Variants in RAB8B observed in about 807,000 individuals in gnomAD.
RAB8B encodes the protein ras-related protein Rab-8B.
RAB8B carries 11 observed loss-of-function variants against 32.0 expected under a neutral mutation model. The ratio of observed to expected loss-of-function variants is 0.34; its 90% CI spans 0.22 to 0.57. The LOEUF (loss-of-function observed/expected upper bound fraction) is 0.57, where lower values mean the gene tolerates loss of function less well. RAB8B is among the 20% of genes least tolerant of loss of function. The probability of loss-of-function intolerance (pLI) is 0.86; values close to 1 mark genes in which losing one functional copy is unlikely to be tolerated. For synonymous variants in RAB8B, 103 were observed against 89.6 expected, an observed-to-expected ratio of 1.15 and a Z score of -0.85; for missense variants, 190 against 258.5, an observed-to-expected ratio of 0.73 and a Z score of 1.82.
intron 1 of RAB8B, among the ~76,000 whole-genome samples, chr15:63,220,183 CT>C (rs1414378748): frequency 6.6e-6 from 1 of 152,212 alleles, no homozygotes; most frequent in African/African-American, 2.4e-5. Context: ...ACCCGAACCC[CT>C]AAACCTGTCT....
chr15:63,217,638 T>G (rs2037804507), intron 1 of RAB8B, among the ~76,000 whole-genome samples: 1 of 152,262 alleles, frequency 6.6e-6, no homozygotes, highest in Non-Finnish European at 1.5e-5. Context: ...ATGCTCATTG[T>G]GCAAATGAGT....
chr15:63,261,968 C>T (rs2038206641), intron 6 of RAB8B, among the ~76,000 whole-genome samples: 2 of 152,138 alleles, frequency 1.3e-5, no homozygotes, highest in Admixed American at 6.5e-5. Context: ...GAACTGACTT[C>T]CATGGTGGGG....
intron 1 of RAB8B, among the ~76,000 whole-genome samples, chr15:63,201,852 G>A (rs1004060270): frequency 6.6e-6 from 1 of 152,112 alleles, no homozygotes; most frequent in Non-Finnish European, 1.5e-5. Flanking sequence ...GTTCTGGACT[G>A]TACTCTAGCT....
chr15:63,244,837 A>G, intron 2 of RAB8B, 21 bp downstream of exon 2: 1 of 1,539,554 alleles, frequency 6.5e-7, no homozygotes, highest in Non-Finnish European at 8.9e-7. Flanking sequence ...ACACACACAG[A>G]GTTTCTGCTT....
intron 1 of RAB8B, among the ~76,000 whole-genome samples, chr15:63,190,481 G>C (rs890315412): frequency 1.3e-5 from 2 of 152,180 alleles, no homozygotes; most frequent in African/African-American, 2.4e-5. Flanking sequence ...AAGGGAGGTT[G>C]AGCAGAGAAG....
At chr15:63,196,902 C>A (rs940625982) in intron 1 of RAB8B, among the ~76,000 whole-genome samples, 4 of 152,170 alleles carry the variant, frequency 2.6e-5, no homozygotes, top group African/African-American at 7.2e-5. Flanking sequence ...TCCAACCCCC[C>A]ACTAACATAA....
rs1261133417 is a variant in RAB8B at position 63,234,032 on chromosome 15, G to A, written c.125-10724G>A. Among the ~76,000 whole-genome samples the A allele has an allele frequency of 2.0e-5, 3 of 152,146 alleles. No individual in the cohort carries two copies. In the East Asian group the frequency reaches 5.8e-4, roughly 29 times the overall value. ...AAATTAGTCTTTTAAAAGAAATTCA[G>A]TGGGAACGAGGTATAGAAAACCTTA... On this transcript the variant is annotated intron_variant, in intron 1 of 7. Transcript: ENST00000321437.
At position 63,233,150 on chromosome 15, in the gene RAB8B, C is replaced by T. The variant is rs1175483984; in HGVS notation, c.125-11606C>T. On this transcript the variant is annotated intron_variant, in intron 1 of 7. Transcript: ENST00000321437. Reference sequence around the variant, plus strand: ...TCATAGCTCACTGCAGCCTTTAACTCCTGGCCTCAAGCTATCCGCTCACTT... The same window carrying T: ...TCATAGCTCACTGCAGCCTTTAACTTCTGGCCTCAAGCTATCCGCTCACTT... 5.3e-5 allele frequency among the ~76,000 whole-genome samples: 8 copies of T among 150,222 alleles called. No individual in the cohort carries two copies. In the South Asian group the frequency reaches 1.7e-3, roughly 31 times the overall value.
At position 63,216,895 on chromosome 15, in the gene RAB8B, A is replaced by G. The variant is rs1369748545; in HGVS notation, c.124+27147A>G. 6.6e-5 allele frequency among the ~76,000 whole-genome samples: 10 copies of G among 151,610 alleles called. 2 individuals carry two copies. The highest frequency in any genetic ancestry group is 2.4e-4 in the African/African-American group (10 of 41,310). ...AAAAAAAAGTTTTGACTTGTAAAGT[A>G]TTCCTCCTTTTTTAGTCATAAAGTG... On this transcript the variant is annotated intron_variant, in intron 1 of 7. Coordinates refer to ENST00000321437, the MANE Select transcript of RAB8B (RefSeq NM_016530.3).
chr15:63,197,402 CTTG>C (rs2037612219), intron 1 of RAB8B, among the ~76,000 whole-genome samples: 2 of 50,572 alleles, frequency 4.0e-5, no homozygotes, highest in Non-Finnish European at 6.9e-5. Flanking sequence ...AAGACAGAGT[CTTG>C]TTCTTTCGCC....
chr15:63,256,062 A>AT (rs1188305424), intron 4 of RAB8B, among the ~76,000 whole-genome samples: 4 of 152,274 alleles, frequency 2.6e-5, no homozygotes, highest in Admixed American at 1.3e-4. Flanking sequence ...TGGTATTAAG[A>AT]TTTTTTTAAT....
chr15:63,251,917 G>GT (rs2038119914), intron 3 of RAB8B, among the ~76,000 whole-genome samples: 1 of 152,062 alleles, frequency 6.6e-6, no homozygotes, highest in Non-Finnish European at 1.5e-5. Flanking sequence ...GCTGATTCAG[G>GT]TATGTGGCAT....
intron 1 of RAB8B, among the ~76,000 whole-genome samples, chr15:63,227,316 A>T (rs1227412545): frequency 6.6e-6 from 1 of 152,196 alleles, no homozygotes; most frequent in Non-Finnish European, 1.5e-5. Context: ...GAGAACACCA[A>T]AACTGTGACC....
At chr15:63,239,698 G>A (rs111471685) in intron 1 of RAB8B, among the ~76,000 whole-genome samples, 86 of 152,074 alleles carry the variant, frequency 5.7e-4, no homozygotes, top group African/African-American at 1.9e-3. Context: ...GTGAGCCACC[G>A]CACCTGGCCA....
At chr15:63,226,356 A>G (rs1297763906) in intron 1 of RAB8B, among the ~76,000 whole-genome samples, 1 of 152,202 alleles carries the variant, frequency 6.6e-6, no homozygotes, top group African/African-American at 2.4e-5. Context: ...CACACGTAGG[A>G]TAAGGAATTG....
At chr15:63,254,628 A>G (rs1211417409) in intron 3 of RAB8B, among the ~76,000 whole-genome samples, 5 of 152,112 alleles carry the variant, frequency 3.3e-5, no homozygotes, top group Admixed American at 2.0e-4. Context: ...AATACCAGAC[A>G]TGGGCTGGGC....
rs946185890 is a variant in RAB8B at position 63,266,232 on chromosome 15, G to A, written c.*2613G>A. On this transcript the variant is annotated 3_prime_UTR_variant, in exon 8 of 8. Coordinates refer to ENST00000321437, the MANE Select transcript of RAB8B (RefSeq NM_016530.3). ...TTCAGTGGCTGCACTTTATTAATCA[G>A]TGTGTTAATTTTTGACAGTGATTGG... The A allele has an allele frequency of 2.6e-5, 4 of 152,568 alleles. No homozygotes were observed. Among genetic ancestry groups the A allele is most frequent in the Admixed American group, 6.5e-5 (1 of 15,272 alleles). The allele number at this position is 152,568 out of a possible 1,614,324, so 9.5% of individuals were successfully genotyped here.
At position 63,259,385 on chromosome 15, in the gene RAB8B, C is replaced by T. The variant is rs868544423; in HGVS notation, c.415-242C>T. On this transcript the variant is annotated intron_variant, in intron 5 of 7. Transcript: ENST00000321437. This position sits in a 1 kb window ranked among gnomAD's most constrained non-coding sequence, Gnocchi z 4.4. ...CCGTCTGCCTCGGCCTCCCAAAGTG[C>T]GTGAGCCACCATGCCCGGCCTTAAA... Among the ~76,000 whole-genome samples, 1 of 152,116 alleles carries T rather than the reference C, an allele frequency of 6.6e-6. No homozygotes were observed. Among genetic ancestry groups the T allele is most frequent in the African/African-American group, 2.4e-5 (1 of 41,420 alleles).
At position 63,263,694 on chromosome 15, in the gene RAB8B, C is replaced by A; in HGVS notation, c.*75C>A. The A allele has an allele frequency of 8.3e-7, 1 of 1,199,386 alleles. No homozygotes were observed. Among genetic ancestry groups the A allele is most frequent in the Non-Finnish European group, 1.2e-6 (1 of 814,116 alleles). 74.3% of individuals were successfully genotyped at this position (1,199,386 alleles called of 1,614,324 possible). A position where few individuals can be genotyped will look rare whatever the true frequency, so the allele number is the denominator to read the frequency against. On this transcript the variant is annotated 3_prime_UTR_variant, in exon 8 of 8. Coordinates refer to ENST00000321437, the MANE Select transcript of RAB8B (RefSeq NM_016530.3). The stretch of plus-strand genomic sequence containing the variant: ...TCTCTGAAAGCACAGGTCACCCAGC[C>A]TCAGAATCACACCTCCCGGCTGCTG...
Sources: gnomAD v4.1 joint callset for allele counts (sites outside exome capture counted in the v4.1 genomes callset) on GRCh38, gnomAD v4.1.1 for gene constraint, Gnocchi (gnomAD v3.1) non-coding constraint, MANE v1.5 for transcripts, NCBI Gene and HGNC (gene_info 2026-07-23, HGNC 2026-07-21) for gene names.